The following CDH13 variants were observed in gnomAD, a reference collection of about 807,000 sequenced individuals.
CDH13 encodes cadherin 13, also known as cadherin-13.
Under a neutral mutation model 63.8 loss-of-function variants are expected in CDH13, and 24 were observed. The observed-to-expected ratio is 0.38, with a 90% CI of 0.27 to 0.53. The LOEUF is 0.53. Ranked by LOEUF, CDH13 falls within the 20% of genes least tolerant of loss-of-function variation. The probability of loss-of-function intolerance (pLI) is 0.85; values close to 1 mark genes in which losing one functional copy is unlikely to be tolerated. For missense variants in CDH13, 1,049 were observed against 903.1 expected, an observed-to-expected ratio of 1.16 and a Z score of -2.07; for synonymous variants, 503 against 355.3, an observed-to-expected ratio of 1.42 and a Z score of -4.67.
intron 2 of CDH13, among the ~76,000 whole-genome samples, chr16:82,881,805 T>G (rs149395659): frequency 6.6e-6 from 1 of 152,060 alleles, no homozygotes; most frequent in Non-Finnish European, 1.5e-5. Flanking sequence ...AGTGTCCCCC[T>G]GCGATACGAT....
At chr16:83,262,784 G>T (rs1382980894) in intron 5 of CDH13, among the ~76,000 whole-genome samples, 1 of 152,190 alleles carries the variant, frequency 6.6e-6, no homozygotes, top group African/African-American at 2.4e-5. Flanking sequence ...TTCTTTGGCA[G>T]ATGTTTCTCA....
At chr16:83,096,104 A>G (rs1171294811) in intron 3 of CDH13, among the ~76,000 whole-genome samples, 1 of 152,222 alleles carries the variant, frequency 6.6e-6, no homozygotes, top group Non-Finnish European at 1.5e-5. Flanking sequence ...CCGTATGTGA[A>G]TAATGGTGGA....
At chr16:83,523,186 C>G (rs923694822) in intron 7 of CDH13, among the ~76,000 whole-genome samples, 3 of 152,164 alleles carry the variant, frequency 2.0e-5, no homozygotes, top group African/African-American at 7.2e-5. Flanking sequence ...TCTCTACCCA[C>G]AAATAATGAG....
rs904061817 is a variant in CDH13, at chr16:83,167,805, C to G, written c.483+42304C>G. 2.6e-5 allele frequency among the ~76,000 whole-genome samples: 4 copies of G among 151,732 alleles called. No individual in the cohort carries two copies. In the East Asian group the frequency reaches 5.8e-4, roughly 22 times the overall value. On this transcript the variant is annotated intron_variant, in intron 4 of 13. Coordinates refer to ENST00000567109, the MANE Select transcript of CDH13 (RefSeq NM_001257.5). ...AAAGGCATAGAATCAACCTAGGTGCCCAGCAGTGGTGGACTGGATTGAAAA... is the reference window on the plus strand; with the variant it reads ...AAAGGCATAGAATCAACCTAGGTGCGCAGCAGTGGTGGACTGGATTGAAAA...
Position 83,622,099 on chromosome 16 carries a change from G to A in CDH13, c.1101+19505G>A, listed in dbSNP as rs193128757. On this transcript the variant is annotated intron_variant, in intron 8 of 13. Coordinates refer to ENST00000567109, the MANE Select transcript of CDH13 (RefSeq NM_001257.5). Reference sequence around the variant, plus strand: ...TTTCGAAAGCTAATTATTATCAAGTGCTTATCTGTGTGAGGCACTGTTCGA... The same window carrying A: ...TTTCGAAAGCTAATTATTATCAAGTACTTATCTGTGTGAGGCACTGTTCGA... 3.4e-3 allele frequency among the ~76,000 whole-genome samples: 514 copies of A among 152,288 alleles called. 3 individuals carry two copies. Among genetic ancestry groups the A allele is most frequent in the Non-Finnish European group, 4.4e-3 (298 of 68,022 alleles).
At chr16:83,460,770 G>A (rs1038896568) in intron 6 of CDH13, among the ~76,000 whole-genome samples, 2 of 151,508 alleles carry the variant, frequency 1.3e-5, no homozygotes, top group African/African-American at 4.9e-5. Context: ...GAGGCGGGAG[G>A]ATTGCTTTAG....
At chr16:83,408,129 C>T (rs535011258) in intron 6 of CDH13, among the ~76,000 whole-genome samples, 21 of 152,326 alleles carry the variant, frequency 1.4e-4, no homozygotes, top group Middle Eastern at 3.4e-3. Flanking sequence ...TACCCGGTCT[C>T]ATTCTCCTGA....
At chr16:83,556,677 A>G (rs968924185) in intron 7 of CDH13, among the ~76,000 whole-genome samples, 2 of 152,224 alleles carry the variant, frequency 1.3e-5, no homozygotes, top group Non-Finnish European at 1.5e-5. Context: ...CTGGAGAGAA[A>G]CAGAAACTAT....
At chr16:83,706,182 C>A (rs1218653168) in intron 10 of CDH13, among the ~76,000 whole-genome samples, 1 of 152,184 alleles carries the variant, frequency 6.6e-6, no homozygotes, top group Non-Finnish European at 1.5e-5. Context: ...TCAGCCAGAA[C>A]ATCTACTTGT....
intron 1 of CDH13, among the ~76,000 whole-genome samples, chr16:82,774,903 C>G (rs929959525): frequency 6.6e-6 from 1 of 152,172 alleles, no homozygotes; most frequent in East Asian, 1.9e-4. Flanking sequence ...ATAGCTGCAG[C>G]TGAGGAATAA....
chr16:82,871,539 C>G (rs1034699540), intron 2 of CDH13, among the ~76,000 whole-genome samples: 2 of 152,178 alleles, frequency 1.3e-5, no homozygotes, highest in African/African-American at 4.8e-5. Flanking sequence ...TCACTGGAGT[C>G]TAATCCCAGC....
At chr16:83,485,607 C>A (rs566142787) in intron 6 of CDH13, among the ~76,000 whole-genome samples, 31 of 152,240 alleles carry the variant, frequency 2.0e-4, no homozygotes, top group African/African-American at 7.5e-4. Context: ...TTGACTTGTT[C>A]CTGCCTACTC....
chr16:82,674,920 A>G (rs1157547175), intron 1 of CDH13, among the ~76,000 whole-genome samples: 3 of 152,208 alleles, frequency 2.0e-5, no homozygotes, highest in African/African-American at 4.8e-5. Flanking sequence ...GTCATAATCT[A>G]TTAATTTGAT....
intron 1 of CDH13, among the ~76,000 whole-genome samples, chr16:82,780,762 T>C (rs1013412378): frequency 4.6e-5 from 7 of 152,260 alleles, no homozygotes; most frequent in Non-Finnish European, 8.8e-5. Flanking sequence ...GACAGCTTTT[T>C]TCTTTCACGC....
intron 1 of CDH13, among the ~76,000 whole-genome samples, chr16:82,635,153 G>A (rs1375556237): frequency 6.6e-6 from 1 of 152,182 alleles, no homozygotes; most frequent in Non-Finnish European, 1.5e-5. Flanking sequence ...TCCACATTGT[G>A]GCTTGATTTG....
At chr16:83,626,824 T>A (rs1598388915) in intron 8 of CDH13, among the ~76,000 whole-genome samples, 1 of 152,216 alleles carries the variant, frequency 6.6e-6, no homozygotes, top group Admixed American at 6.5e-5. Flanking sequence ...CCACACAGAC[T>A]CCCTGTACCC....
rs183581240 is a variant in CDH13, at chr16:83,020,662, G to C, written c.158-11348G>C. Among the ~76,000 whole-genome samples the C allele has an allele frequency of 1.9e-3, 291 of 152,254 alleles. 1 individual carries two copies. The highest frequency in any genetic ancestry group is 0.017 in the Middle Eastern group (5 of 294). ...CTTTTCTCTGAACTATGGATCCATG[G>C]GGCTGGCCTAGGAAACCAATATTGT... On this transcript the variant is annotated intron_variant, in intron 2 of 13. Coordinates refer to ENST00000567109, the MANE Select transcript of CDH13 (RefSeq NM_001257.5).
At chr16:83,296,987 G>A (rs1004055089) in intron 5 of CDH13, among the ~76,000 whole-genome samples, 1 of 152,134 alleles carries the variant, frequency 6.6e-6, no homozygotes, top group Non-Finnish European at 1.5e-5. Flanking sequence ...GATGAGATAA[G>A]ATATTTGTTT....
intron 8 of CDH13, among the ~76,000 whole-genome samples, chr16:83,624,988 G>A (rs1475767206): frequency 6.6e-6 from 1 of 152,356 alleles, no homozygotes; most frequent in Non-Finnish European, 1.5e-5. Context: ...TTCTGCATGT[G>A]TGCGGTGATA....
Sources: allele counts gnomAD v4.1 joint callset (sites outside exome capture counted in the v4.1 genomes callset), GRCh38; gene constraint gnomAD v4.1.1; transcripts MANE v1.5; gene names NCBI Gene and HGNC (gene_info 2026-07-23, HGNC 2026-07-21).